The following CAMK1D variants were observed in gnomAD, a reference collection of about 807,000 sequenced individuals.
CAMK1D encodes the protein calcium/calmodulin-dependent protein kinase type 1D.
In CAMK1D, 9 loss-of-function variants were observed where a neutral mutation model predicts 47.7. The observed-to-expected ratio is 0.19, with a 90% CI of 0.11 to 0.33. The LOEUF is 0.33. Among genes scored for constraint, CAMK1D ranks in the 10% least tolerant of loss-of-function variants. CAMK1D has a pLI of 1.00. For missense variants in CAMK1D, 291 were observed against 488.7 expected (o/e 0.60, Z 3.81); for synonymous variants, 184 against 184.9 (o/e 0.99, Z 0.04).
chr10:12,435,201 C>G (rs1293722365), intron 1 of CAMK1D, among the ~76,000 whole-genome samples: 1 of 114,538 alleles, frequency 8.7e-6, no homozygotes, highest in South Asian at 3.0e-4. Context: ...CCGGCATGGG[C>G]GAGGAGTGAA....
At chr10:12,610,459 C>G (rs1838586934) in intron 2 of CAMK1D, among the ~76,000 whole-genome samples, 1 of 152,214 alleles carries the variant, frequency 6.6e-6, no homozygotes, top group Admixed American at 6.5e-5. Flanking sequence ...CTGCTTCCAT[C>G]TGCCTCTCAG....
At chr10:12,594,544 C>T (rs891931033) in intron 2 of CAMK1D, among the ~76,000 whole-genome samples, 1 of 152,224 alleles carries the variant, frequency 6.6e-6, no homozygotes, top group Admixed American at 6.5e-5. Context: ...GAACCACCCA[C>T]CAAGTGGGCC....
chr10:12,632,894 C>T (rs1433327140), intron 2 of CAMK1D, among the ~76,000 whole-genome samples: 2 of 152,082 alleles, frequency 1.3e-5, no homozygotes, highest in Non-Finnish European at 1.5e-5. Flanking sequence ...GAGGTTTCAC[C>T]GTTTTGGCCA....
chr10:12,496,460 G>GTCTCC (rs1834542606), intron 1 of CAMK1D, among the ~76,000 whole-genome samples: 1 of 152,144 alleles, frequency 6.6e-6, no homozygotes, highest in African/African-American at 2.4e-5. Flanking sequence ...CCACATGTCA[G>GTCTCC]ACAGCAGAAT....
intron 3 of CAMK1D, among the ~76,000 whole-genome samples, chr10:12,718,639 G>A (rs1483024653): frequency 1.3e-5 from 2 of 152,222 alleles, no homozygotes; most frequent in African/African-American, 4.8e-5. Flanking sequence ...GTTTAGAGTT[G>A]TCCGTTGGAG....
chr10:12,599,663 C>T (rs1838245788), intron 2 of CAMK1D, among the ~76,000 whole-genome samples: 2 of 152,294 alleles, frequency 1.3e-5, no homozygotes, highest in African/African-American at 4.8e-5. Context: ...CCACTTTGGC[C>T]TTTGTGTCCT....
chr10:12,745,091 C>T (rs184533457), intron 3 of CAMK1D, among the ~76,000 whole-genome samples: 6 of 152,370 alleles, frequency 3.9e-5, no homozygotes, highest in Middle Eastern at 3.4e-3. Context: ...AGCGCAATGG[C>T]GCAATCTCGG....
intron 2 of CAMK1D, among the ~76,000 whole-genome samples, chr10:12,614,805 G>A (rs1280333878): frequency 6.6e-6 from 1 of 152,184 alleles, no homozygotes; most frequent in African/African-American, 2.4e-5. Flanking sequence ...GTTATACTGG[G>A]AATCGGATGT....
chr10:12,557,959 A>G (rs1836819051), intron 2 of CAMK1D, among the ~76,000 whole-genome samples: 2 of 152,236 alleles, frequency 1.3e-5, no homozygotes, highest in Non-Finnish European at 2.9e-5. Context: ...TTGTTTCAAA[A>G]TGAATTTTCT....
intron 2 of CAMK1D, among the ~76,000 whole-genome samples, chr10:12,577,983 A>C (rs1322707761): frequency 6.6e-6 from 1 of 152,262 alleles, no homozygotes; most frequent in East Asian, 1.9e-4. Flanking sequence ...GCTAACATTT[A>C]TTAGGCAAGC....
chr10:12,789,603 A>G (rs569445959), intron 5 of CAMK1D, among the ~76,000 whole-genome samples: 1 of 152,250 alleles, frequency 6.6e-6, no homozygotes, highest in Non-Finnish European at 1.5e-5. Flanking sequence ...ATATAAATGA[A>G]GTCTCTTCTG....
At chr10:12,486,822 C>T (rs1834233000) in intron 1 of CAMK1D, among the ~76,000 whole-genome samples, 1 of 152,162 alleles carries the variant, frequency 6.6e-6, no homozygotes, top group Non-Finnish European at 1.5e-5. Flanking sequence ...CCTGTAGTCT[C>T]AGCTACTTGG....
chr10:12,531,073 G>A (rs887833177), intron 1 of CAMK1D, among the ~76,000 whole-genome samples: 1 of 128,008 alleles, frequency 7.8e-6, no homozygotes, highest in African/African-American at 2.9e-5. Context: ...AAAAAAAAAA[G>A]TTGAGATTGT....
intron 1 of CAMK1D, among the ~76,000 whole-genome samples, chr10:12,360,788 A>G (rs1837635608): frequency 6.6e-6 from 1 of 152,166 alleles, no homozygotes; most frequent in Non-Finnish European, 1.5e-5. Context: ...ACCTACATCA[A>G]CTATTGCCAA....
chr10:12,491,369 ATTTTATTAACCCCTT>A (rs1834378785), intron 1 of CAMK1D, among the ~76,000 whole-genome samples: 1 of 152,126 alleles, frequency 6.6e-6, no homozygotes, highest in South Asian at 2.1e-4. Flanking sequence ...ACCTGTATTT[ATTTTATTAACCCCTT>A]TTTATTATTA....
intron 1 of CAMK1D, among the ~76,000 whole-genome samples, chr10:12,392,350 C>G (rs1838766742): frequency 6.6e-6 from 1 of 151,652 alleles, no homozygotes; most frequent in Admixed American, 6.6e-5. Context: ...CATAACAAAA[C>G]CCCCACAACT....
intron 1 of CAMK1D, among the ~76,000 whole-genome samples, chr10:12,517,084 A>G (rs146358737): frequency 1.3e-4 from 20 of 152,262 alleles, no homozygotes; most frequent in African/African-American, 4.1e-4. Context: ...TCAGCATTTT[A>G]TCCTGTATGT....
chr10:12,816,472 C>T (rs1832798065), intron 8 of CAMK1D, 144 bp downstream of exon 8: 1 of 670,850 alleles, frequency 1.5e-6, no homozygotes, highest in African/African-American at 1.8e-5. Flanking sequence ...GACTTTCCTC[C>T]TCTCCCCAAG....
chr10:12,634,374 C>T (rs1839457841), intron 2 of CAMK1D, among the ~76,000 whole-genome samples: 1 of 152,134 alleles, frequency 6.6e-6, no homozygotes, highest in Non-Finnish European at 1.5e-5. Context: ...CATCCTCCTA[C>T]AGCAGCTGTT....
Sources: allele counts gnomAD v4.1 joint callset (sites outside exome capture counted in the v4.1 genomes callset), GRCh38; gene constraint gnomAD v4.1.1; transcripts MANE v1.5; gene names NCBI Gene and HGNC (gene_info 2026-07-23, HGNC 2026-07-21).